The following KLRF2 variants were observed in gnomAD, a reference collection of about 807,000 sequenced individuals.
KLRF2 encodes the protein killer cell lectin like receptor F2, also known as killer cell lectin-like receptor subfamily F member 2.
Under a neutral mutation model 25.3 loss-of-function variants are expected in KLRF2, and 28 were observed. That is an observed-to-expected ratio of 1.11 (90% CI 0.82 to 1.52). KLRF2 has a LOEUF of 1.52. Among genes scored for constraint, KLRF2 ranks in the 40% most tolerant of loss-of-function variants. KLRF2 has a pLI of 0.00. For missense variants in KLRF2, 265 were observed against 245.8 expected (o/e 1.08, Z -0.52); for synonymous variants, 73 against 85.0 (o/e 0.86, Z 0.78).
chr12:9,883,296 A>G (rs1361737905), intron 1 of KLRF2, among the ~76,000 whole-genome samples: 1 of 152,210 alleles, frequency 6.6e-6, no homozygotes, highest in Non-Finnish European at 1.5e-5. Flanking sequence ...TAATACAATT[A>G]GTGTTCTTGC....
At position 9,881,545 on chromosome 12, in the gene KLRF2, C is replaced by T; in HGVS notation, c.-51C>T. The T allele has an allele frequency of 7.6e-7, 1 of 1,314,460 alleles. No individual in the cohort carries two copies. Among genetic ancestry groups the T allele is most frequent in the Non-Finnish European group, 1.1e-6 (1 of 948,382 alleles). 81.4% of individuals were successfully genotyped at this position (1,314,460 alleles called of 1,614,324 possible). A position where few individuals can be genotyped will look rare whatever the true frequency, so the allele number is the denominator to read the frequency against. The stretch of plus-strand genomic sequence containing the variant: ...CATATCCAAGGTTGAGATTAGTTTC[C>T]ATTTTCTTTGTACTATTTTCTGGAT... On this transcript the variant is annotated 5_prime_UTR_variant, in exon 1 of 6. Transcript: ENST00000535540.
chr12:9,888,273 G>A (rs947313216), intron 2 of KLRF2, among the ~76,000 whole-genome samples: 1 of 151,704 alleles, frequency 6.6e-6, no homozygotes, highest in African/African-American at 2.4e-5. Flanking sequence ...GGCGGATCAC[G>A]AGGTCAGGAG....
rs11832457 is a variant in KLRF2 at position 9,881,894 on chromosome 12, G to C, written c.70+229G>C. ...TGCGAATATGACGATGTGTAATCCT[G>C]TGTGTTGTAGCATAAGAACATCACT... On this transcript the variant is annotated intron_variant, in intron 1 of 5. Coordinates refer to ENST00000535540, the MANE Select transcript of KLRF2 (RefSeq NM_001190765.1). Among the ~76,000 whole-genome samples, 597 of 152,246 alleles carry C rather than the reference G, an allele frequency of 3.9e-3. 5 individuals carry two copies. Among genetic ancestry groups the C allele is most frequent in the African/African-American group, 0.014 (576 of 41,550 alleles).
At chr12:9,882,771 A>C (rs1365740445) in intron 1 of KLRF2, among the ~76,000 whole-genome samples, 1 of 139,812 alleles carries the variant, frequency 7.2e-6, no homozygotes, top group Non-Finnish European at 1.6e-5. Context: ...ACAGAGCAAG[A>C]CTCCATATAT....
chr12:9,882,127 A>G (rs1467261784), intron 1 of KLRF2, among the ~76,000 whole-genome samples: 2 of 152,170 alleles, frequency 1.3e-5, no homozygotes, highest in African/African-American at 4.8e-5. Context: ...ACAAAAAAAC[A>G]TTAATCTTTG....
chr12:9,888,903 G>C, intron 3 of KLRF2, 123 bp downstream of exon 3: 1 of 532,166 alleles, frequency 1.9e-6, no homozygotes, highest in Admixed American at 2.9e-5. Context: ...AAGGTATGGG[G>C]CTGAAAAGGA....
chr12:9,885,255 C>T (rs1868136786), intron 2 of KLRF2, among the ~76,000 whole-genome samples: 1 of 151,550 alleles, frequency 6.6e-6, no homozygotes, highest in East Asian at 1.9e-4. Context: ...ACTTTATTAT[C>T]TTATAATTAA....
intron 1 of KLRF2, among the ~76,000 whole-genome samples, chr12:9,884,223 T>G (rs1868125904): frequency 6.6e-6 from 1 of 152,084 alleles, no homozygotes; most frequent in African/African-American, 2.4e-5. Context: ...GATTACTTGT[T>G]TATTCCTTTA....
In KLRF2 at chr12:9,888,770, C is replaced by A. The variant is rs1862637308; in HGVS notation, c.207C>A (p.Ser69Arg). ...KMDFSQNVNV[S>R]SLSGHNYLCP... Reference sequence around the variant, plus strand: ...ATTTCTCCCAGAATGTAAACGTCAGCAGTCTATCAGGTAATACTCTTTTTG... The same window carrying A: ...ATTTCTCCCAGAATGTAAACGTCAGAAGTCTATCAGGTAATACTCTTTTTG... Residue 69 changes from serine (S) to arginine (R), a missense_variant, in exon 3 of 6, where the codon AGC becomes AGA. Transcript: ENST00000535540. 6.7e-7 allele frequency: 1 copy of A among 1,500,512 alleles called. No individual in the cohort carries two copies. The highest frequency in any genetic ancestry group is 9.0e-7 in the Non-Finnish European group (1 of 1,114,836). The allele number at this position is 1,500,512 out of a possible 1,614,324, so 92.9% of individuals were successfully genotyped here. A position where few individuals can be genotyped will look rare whatever the true frequency, so the allele number is the denominator to read the frequency against.
At chr12:9,888,904 C>T (rs1862638755) in intron 3 of KLRF2, 124 bp downstream of exon 3, 1 of 525,334 alleles carries the variant, frequency 1.9e-6, no homozygotes, top group Non-Finnish European at 3.4e-6. Context: ...AGGTATGGGG[C>T]TGAAAAGGAC....
At chr12:9,888,425 G>A (rs978304941) in intron 2 of KLRF2, among the ~76,000 whole-genome samples, 1 of 151,960 alleles carries the variant, frequency 6.6e-6, no homozygotes, top group Admixed American at 6.5e-5. Context: ...GGGAGTCGGA[G>A]CTTGCAGTGA....
chr12:9,895,683 T>C lies in KLRF2; in HGVS notation c.480-6T>C. ...AATGCTGAAAAATCTGTCCTTTGTC[T>C]CTTAGGTTTTCAGTGATTGGACCAA... On this transcript the variant is annotated splice_region_variant and splice_polypyrimidine_tract_variant and intron_variant, in intron 5 of 5. Coordinates refer to ENST00000535540, the MANE Select transcript of KLRF2 (RefSeq NM_001190765.1). 6.6e-7 allele frequency: 1 copy of C among 1,519,160 alleles called. No individual in the cohort carries two copies. The highest frequency in any genetic ancestry group is 2.2e-5 in the Admixed American group (1 of 46,376). The allele number at this position is 1,519,160 out of a possible 1,614,324, so 94.1% of individuals were successfully genotyped here.
intron 1 of KLRF2, 125 bp downstream of exon 1, chr12:9,881,790 TTGTC>T: frequency 1.3e-6 from 1 of 743,156 alleles, no homozygotes; most frequent in South Asian, 1.9e-5. Context: ...TGGTCATAAA[TTGTC>T]TGTTAGATTA....
At chr12:9,889,443 C>T (rs188599454) in intron 3 of KLRF2, among the ~76,000 whole-genome samples, 46 of 152,114 alleles carry the variant, frequency 3.0e-4, no homozygotes, top group African/African-American at 1.1e-3. Flanking sequence ...GGATCTTATC[C>T]AATCAATTGA....
chr12:9,888,264 G>A (rs1402908802), intron 2 of KLRF2, among the ~76,000 whole-genome samples: 2 of 151,826 alleles, frequency 1.3e-5, no homozygotes, highest in Non-Finnish European at 2.9e-5. Context: ...GCCGAGGCGG[G>A]CGGATCACGA....
At chr12:9,885,700 A>T (rs978979497) in intron 2 of KLRF2, among the ~76,000 whole-genome samples, 2 of 152,012 alleles carry the variant, frequency 1.3e-5, no homozygotes, top group Admixed American at 1.3e-4. Flanking sequence ...GGAAAATATC[A>T]GACTTTTCTC....
intron 3 of KLRF2, among the ~76,000 whole-genome samples, chr12:9,892,508 T>C (rs1862689533): frequency 6.6e-6 from 1 of 151,242 alleles, no homozygotes; most frequent in Non-Finnish European, 1.5e-5. Context: ...TCTCCCCTAA[T>C]CCATCATCCA....
chr12:9,881,968 C>T (rs915874329), intron 1 of KLRF2, among the ~76,000 whole-genome samples: 62 of 151,946 alleles, frequency 4.1e-4, no homozygotes, highest in African/African-American at 1.5e-3. Context: ...CTTCCTCCTA[C>T]AAAACTTAAA....
At chr12:9,893,662 T>C (rs1862714586) in intron 5 of KLRF2, 121 bp downstream of exon 5, 1 of 433,998 alleles carries the variant, frequency 2.3e-6, no homozygotes, top group Middle Eastern at 4.5e-4. Context: ...TACATTTTTT[T>C]CTACTTTTTC....
Sources: allele counts gnomAD v4.1 joint callset (sites outside exome capture counted in the v4.1 genomes callset), GRCh38; gene constraint gnomAD v4.1.1; transcripts MANE v1.5; gene names NCBI Gene and HGNC (gene_info 2026-07-23, HGNC 2026-07-21).